ADAMTSL1: variants seen among roughly 807,000 people sequenced by gnomAD.
ADAMTSL1 encodes ADAMTS-like protein 1.
Under a neutral mutation model 201.8 loss-of-function variants are expected in ADAMTSL1, and 126 were observed. That is an observed-to-expected ratio of 0.62 (90% confidence interval 0.54 to 0.72). The LOEUF is 0.72. ADAMTSL1 is among the 30% of genes least tolerant of loss of function. The probability of loss-of-function intolerance (pLI) is 0.00; values close to 1 mark genes in which losing one functional copy is unlikely to be tolerated. For synonymous variants in ADAMTSL1, 1,121 were observed against 903.4 expected (o/e 1.24, Z -4.32); for missense variants, 2,679 against 2,277.8 (o/e 1.18, Z -3.59).
chr9:17,980,203 C>A (rs149628253), intron 1 of ADAMTSL1, among the ~76,000 whole-genome samples: 1 of 152,114 alleles, frequency 6.6e-6, no homozygotes, highest in East Asian at 1.9e-4. Flanking sequence ...AATTTCTCAC[C>A]TGTATTCATT....
Position 18,777,449 on chromosome 9 carries a change from G to A in ADAMTSL1, c.3220G>A (p.Glu1074Lys), listed in dbSNP as rs755730695. The change falls in exon 19 of 29, where the codon GAG (glutamate) becomes AAG (lysine). Residue 1074 changes from glutamate to lysine, a missense_variant. Glu to Lys is a moderately conservative substitution (Grantham distance 56, BLOSUM62 1). Coordinates refer to ENST00000380548, the MANE Select transcript of ADAMTSL1 (RefSeq NM_001040272.6). ...LLHLPFTMVT[E>K]QRRLDDILGN... ...GCACCTGCCCTTCACCATGGTGACC[G>A]AGCAGCGGCGCCTGGACGACATCCT... is the stretch of plus-strand genomic sequence containing the variant. 5.6e-6 allele frequency: 9 copies of A among 1,596,028 alleles called. No individual in the cohort carries two copies. The highest frequency in any genetic ancestry group is 1.3e-5 in the African/African-American group (1 of 74,690).
chr9:18,201,630 C>T (rs1008735284), intron 2 of ADAMTSL1, among the ~76,000 whole-genome samples: 1 of 152,092 alleles, frequency 6.6e-6, no homozygotes, highest in African/African-American at 2.4e-5. Context: ...TAGGAGAATA[C>T]CTCAGGGCTT....
chr9:18,626,825 C>CTT (rs1826387854), intron 5 of ADAMTSL1, among the ~76,000 whole-genome samples: 1 of 141,618 alleles, frequency 7.1e-6, no homozygotes, highest in African/African-American at 2.6e-5. Flanking sequence ...TTCTTTCTTT[C>CTT]TTTCTTACTT....
intron 2 of ADAMTSL1, among the ~76,000 whole-genome samples, chr9:18,177,510 C>G (rs1212566693): frequency 6.6e-6 from 1 of 152,040 alleles, no homozygotes; most frequent in Non-Finnish European, 1.5e-5. Flanking sequence ...AGAAACTTTC[C>G]AGAGATAGAA....
At chr9:18,209,242 T>C (rs1669232785) in intron 2 of ADAMTSL1, among the ~76,000 whole-genome samples, 1 of 150,650 alleles carries the variant, frequency 6.6e-6, no homozygotes, top group Admixed American at 6.6e-5. Context: ...ACATAAAAAT[T>C]ACGTCAGACT....
intron 5 of ADAMTSL1, 61 bp from the exon 6 acceptor site, chr9:18,635,882 G>A: frequency 7.0e-7 from 1 of 1,436,438 alleles, no homozygotes; most frequent in Non-Finnish European, 9.6e-7. Context: ...TTATTTAGAA[G>A]GCAATCAATA....
chr9:18,801,500 G>C (rs1025909602), intron 20 of ADAMTSL1, among the ~76,000 whole-genome samples: 11 of 152,092 alleles, frequency 7.2e-5, no homozygotes, highest in Non-Finnish European at 1.2e-4. Flanking sequence ...GTACCCAATA[G>C]CTATTTTTTC....
chr9:18,658,898 G>A (rs934475417), intron 8 of ADAMTSL1, among the ~76,000 whole-genome samples: 4 of 152,132 alleles, frequency 2.6e-5, no homozygotes, highest in African/African-American at 9.7e-5. Flanking sequence ...ACTCAGGAGT[G>A]AGATTGTTAG....
At chr9:18,890,515 T>G (rs1446485690) in intron 25 of ADAMTSL1, 1 of 456,028 alleles carries the variant, frequency 2.2e-6, no homozygotes. Context: ...CTGTAGGACT[T>G]TCATACAATA....
At chr9:18,692,121 C>G (rs998150791) in intron 13 of ADAMTSL1, among the ~76,000 whole-genome samples, 4 of 152,136 alleles carry the variant, frequency 2.6e-5, no homozygotes, top group Non-Finnish European at 4.4e-5. Context: ...TTCTGAGGGT[C>G]TTTGAAGACT....
At chr9:18,893,543 TGGTAGGTCTGA>T (rs1829428946) in intron 26 of ADAMTSL1, among the ~76,000 whole-genome samples, 1 of 152,200 alleles carries the variant, frequency 6.6e-6, no homozygotes, top group African/African-American at 2.4e-5. Context: ...AATTCTAATA[TGGTAGGTCTGA>T]GGTAGAACTG....
At chr9:18,635,045 A>C (rs1457369730) in intron 5 of ADAMTSL1, among the ~76,000 whole-genome samples, 1 of 151,694 alleles carries the variant, frequency 6.6e-6, no homozygotes, top group Non-Finnish European at 1.5e-5. Context: ...ATCTTGGACT[A>C]TGCATTGTAC....
chr9:18,001,602 A>C (rs576036746), intron 1 of ADAMTSL1, among the ~76,000 whole-genome samples: 4 of 152,208 alleles, frequency 2.6e-5, no homozygotes, highest in African/African-American at 9.6e-5. Context: ...GAAATCTAAG[A>C]AGAAATTGTC....
chr9:18,588,509 A>T (rs911294876), intron 4 of ADAMTSL1, among the ~76,000 whole-genome samples: 2 of 151,836 alleles, frequency 1.3e-5, no homozygotes, highest in African/African-American at 4.8e-5. Context: ...TGCTTTTGAG[A>T]TCTTATCCAA....
At chr9:18,101,191 G>GCATTTA (rs201802677) in intron 1 of ADAMTSL1, among the ~76,000 whole-genome samples, 2,959 of 152,188 alleles carry the variant, frequency 0.019, 77 homozygotes, top group African/African-American at 0.061. Flanking sequence ...AAATACAGAT[G>GCATTTA]AATGCATTTA....
In ADAMTSL1 at chr9:17,983,064, C is replaced by CTTTTTTTTTTTT. The variant is rs202085722; in HGVS notation, c.87+76145_87+76146insTTTTTTTTTTTT. ...TTTTCATTTTCTTTTTCTTTTCTTT[C>CTTTTTTTTTTTT]TTTCTTTCTTTCTTTTTTTTTTTTG... On this transcript the variant is annotated intron_variant, in intron 1 of 29. Transcript: ENST00000680146. 1.6e-4 allele frequency among the ~76,000 whole-genome samples: 14 copies of CTTTTTTTTTTTT among 88,566 alleles called. 2 individuals are homozygous for CTTTTTTTTTTTT. The highest frequency in any genetic ancestry group is 7.3e-4 in the South Asian group (2 of 2,734). The allele number at this position is 88,566 out of a possible 152,430, so 58.1% of individuals were successfully genotyped here.
At chr9:18,591,495 G>A (rs1363608368) in intron 4 of ADAMTSL1, among the ~76,000 whole-genome samples, 1 of 152,036 alleles carries the variant, frequency 6.6e-6, no homozygotes, top group Non-Finnish European at 1.5e-5. Context: ...TTTAATTGAA[G>A]AATTTAGCCC....
rs12005478 is a variant in ADAMTSL1, at chr9:18,612,114, G to A, written c.475-10129G>A. On this transcript the variant is annotated intron_variant, in intron 4 of 28. Transcript: ENST00000380548. ...AAGCCTGGGGCACTGTGCCTAGCAG[G>A]AAAGAAGTCAGAGGGAGGTACACTT... 3.7e-3 allele frequency among the ~76,000 whole-genome samples: 563 copies of A among 152,314 alleles called. 4 individuals are homozygous for A. Among genetic ancestry groups the A allele is most frequent in the African/African-American group, 0.011 (472 of 41,568 alleles).
chr9:18,539,793 C>T (rs935042568), intron 3 of ADAMTSL1, among the ~76,000 whole-genome samples: 28 of 152,086 alleles, frequency 1.8e-4, no homozygotes, highest in African/African-American at 6.8e-4. Context: ...ACTTTTCTCT[C>T]AAGTTATATG....
Sources: allele counts gnomAD v4.1 joint callset (sites outside exome capture counted in the v4.1 genomes callset), GRCh38; gene constraint gnomAD v4.1.1; transcripts MANE v1.5; gene names NCBI Gene and HGNC (gene_info 2026-07-23, HGNC 2026-07-21).